The following NPSR1 variants were observed in gnomAD, a reference collection of about 807,000 sequenced individuals.
The protein encoded by NPSR1 is neuropeptide S receptor 1.
In NPSR1, 48 loss-of-function variants were observed where a neutral mutation model predicts 46.9. The ratio of observed to expected loss-of-function variants is 1.02; its 90% CI spans 0.81 to 1.30. NPSR1 has a LOEUF of 1.30. Ranked by LOEUF, NPSR1 falls within the 50% of genes most tolerant of loss-of-function variation. NPSR1 has a pLI of 0.00. For missense variants in NPSR1, 450 were observed against 449.5 expected (o/e 1.00, Z -0.01); for synonymous variants, 176 against 168.1 (o/e 1.05, Z -0.36).
At chr7:34,808,606 C>G (rs922872265) in intron 3 of NPSR1, among the ~76,000 whole-genome samples, 1 of 152,114 alleles carries the variant, frequency 6.6e-6, no homozygotes, top group Non-Finnish European at 1.5e-5. Flanking sequence ...ATTCTATGCT[C>G]TTCCCTCTTC....
At chr7:34,825,501 C>T (rs1358824744) in intron 4 of NPSR1, among the ~76,000 whole-genome samples, 1 of 152,184 alleles carries the variant, frequency 6.6e-6, no homozygotes. Flanking sequence ...CGCTGTGGTC[C>T]TAGCCCAGGG....
At chr7:34,684,432 A>C in intron 1 of NPSR1, 120 bp from the exon 2 acceptor site, 3 of 894,134 alleles carry the variant, frequency 3.4e-6, no homozygotes, top group Non-Finnish European at 5.3e-6. Flanking sequence ...TCTTGAGAGT[A>C]GAGCTTCCAA....
intron 2 of NPSR1, among the ~76,000 whole-genome samples, chr7:34,734,298 T>C (rs149398202): frequency 3.9e-4 from 60 of 152,276 alleles, no homozygotes; most frequent in Admixed American, 1.8e-3. Context: ...CCCAGATAGT[T>C]GTGATGCAAG....
intron 1 of NPSR1, among the ~76,000 whole-genome samples, chr7:34,683,317 G>T (rs576328718): frequency 6.6e-6 from 1 of 151,858 alleles, no homozygotes; most frequent in South Asian, 2.1e-4. Context: ...CGTGGTGGTG[G>T]GTGCCTGTAG....
chr7:34,815,259 G>C (rs1270061431), intron 4 of NPSR1, among the ~76,000 whole-genome samples: 1 of 152,150 alleles, frequency 6.6e-6, no homozygotes, highest in Admixed American at 6.5e-5. Context: ...CATGGCACAA[G>C]AACTTCGTGA....
At chr7:34,750,722 C>T (rs1416699678) in intron 2 of NPSR1, 11 of 697,520 alleles carry the variant, frequency 1.6e-5, no homozygotes, top group Non-Finnish European at 2.7e-5. Flanking sequence ...GTCAAAATTG[C>T]CAAGCATCTT....
At chr7:34,774,487 G>A (rs550774535) in intron 2 of NPSR1, among the ~76,000 whole-genome samples, 1 of 152,300 alleles carries the variant, frequency 6.6e-6, no homozygotes, top group South Asian at 2.1e-4. Flanking sequence ...CAATAATCTA[G>A]CTCATAATGG....
intron 3 of NPSR1, among the ~76,000 whole-genome samples, chr7:34,807,601 C>T (rs10231488): frequency 0.14 from 22,020 of 152,012 alleles, 2,112 homozygotes; most frequent in East Asian, 0.32. Flanking sequence ...TTGGCCATCC[C>T]TCTATTTCCA....
At chr7:34,708,306 T>C (rs1370776413) in intron 2 of NPSR1, among the ~76,000 whole-genome samples, 2 of 152,220 alleles carry the variant, frequency 1.3e-5, no homozygotes, top group Non-Finnish European at 2.9e-5. Context: ...CCTGTGCATG[T>C]GCCTCACTGA....
chr7:34,815,471 G>A (rs533656691), intron 4 of NPSR1, among the ~76,000 whole-genome samples: 14 of 152,232 alleles, frequency 9.2e-5, no homozygotes, highest in Admixed American at 6.5e-4. Context: ...CTGATGGGGC[G>A]AACAGAACCA....
intron 2 of NPSR1, among the ~76,000 whole-genome samples, chr7:34,726,191 T>C (rs1375054483): frequency 6.6e-6 from 1 of 152,100 alleles, no homozygotes; most frequent in Non-Finnish European, 1.5e-5. Context: ...CAATTAAAAA[T>C]GGGTAAAAGA....
At chr7:34,848,417 G>A in intron 7 of NPSR1, 66 bp from the exon 8 acceptor site, 3 of 1,450,984 alleles carry the variant, frequency 2.1e-6, no homozygotes, top group East Asian at 4.5e-5. Context: ...AGTCCAGTCA[G>A]GACCAACCAA....
At chr7:34,861,160 TG>T (rs2128767938) in intron 8 of NPSR1, among the ~76,000 whole-genome samples, 1 of 152,026 alleles carries the variant, frequency 6.6e-6, no homozygotes, top group African/African-American at 2.4e-5. Flanking sequence ...CTACTCACAC[TG>T]GGGACAGGTG....
intron 2 of NPSR1, among the ~76,000 whole-genome samples, chr7:34,739,570 T>C (rs1041455926): frequency 1.3e-5 from 2 of 152,218 alleles, no homozygotes; most frequent in African/African-American, 2.4e-5. Flanking sequence ...CTTTGTTCCA[T>C]TTTTTAGTTG....
chr7:34,790,945 C>CATATATGTTATATGTTATATT lies in NPSR1; in HGVS notation c.384+12422_384+12442dup, dbSNP rs1562730003. Among the ~76,000 whole-genome samples, 467 of 96,708 alleles carry CATATATGTTATATGTTATATT rather than the reference C, an allele frequency of 4.8e-3. 35 individuals are homozygous for CATATATGTTATATGTTATATT. The Admixed American group carries it at 0.053, about 11-fold the overall frequency. 63.4% of individuals were successfully genotyped at this position (96,708 alleles called of 152,430 possible). ...ATATGTTATATGTTATATTATATATCATATATGTTATATGTTATATTATAT... is the reference window on the plus strand; with the variant it reads ...ATATGTTATATGTTATATTATATATCATATATGTTATATGTTATATTATATATGTTATATGTTATATTATAT... On this transcript the variant is annotated intron_variant, in intron 3 of 8. Coordinates refer to ENST00000360581, the MANE Select transcript of NPSR1 (RefSeq NM_207172.2).
chr7:34,811,824 T>C lies in NPSR1; in HGVS notation c.439T>C (p.Tyr147His), dbSNP rs2128750973. 2 of 1,613,642 alleles carry C rather than the reference T, an allele frequency of 1.2e-6. No homozygotes were observed. Among genetic ancestry groups the C allele is most frequent in the East Asian group, 2.2e-5 (1 of 44,842 alleles). Residue 147 changes from tyrosine (Y) to histidine (H), a missense_variant, in exon 4 of 9, where the codon TAC becomes CAC. By Grantham distance (83) the Tyr-to-His change is moderately conservative (BLOSUM62 2). Transcript: ENST00000360581. Reference protein sequence around the residue: ...YVLVSLSIDRYHAIVYPMKFL... With the variant: ...YVLVSLSIDRHHAIVYPMKFL... Reference sequence around the variant, plus strand: ...CCTGGTGTCCCTCAGCATAGACAGATACCATGCCATCGTCTACCCCATGAA... The same window carrying C: ...CCTGGTGTCCCTCAGCATAGACAGACACCATGCCATCGTCTACCCCATGAA...
At chr7:34,660,179 A>G (rs1791386983) in intron 1 of NPSR1, 1 of 456,470 alleles carries the variant, frequency 2.2e-6, no homozygotes, top group Non-Finnish European at 4.4e-6. Flanking sequence ...ATTCCTATTG[A>G]TATGTTTGCA....
At chr7:34,811,192 C>A (rs1788969554) in intron 3 of NPSR1, among the ~76,000 whole-genome samples, 1 of 152,094 alleles carries the variant, frequency 6.6e-6, no homozygotes, top group Admixed American at 6.5e-5. Context: ...TCAGGTCACA[C>A]ACAGACTTGA....
At chr7:34,738,127 A>G (rs1784767823) in intron 2 of NPSR1, among the ~76,000 whole-genome samples, 1 of 152,242 alleles carries the variant, frequency 6.6e-6, no homozygotes. Flanking sequence ...TTGGAGGCAT[A>G]AAGAGCCAAA....
Sources: gnomAD v4.1 joint callset for allele counts (sites outside exome capture counted in the v4.1 genomes callset) on GRCh38, gnomAD v4.1.1 for gene constraint, MANE v1.5 for transcripts, NCBI Gene and HGNC (gene_info 2026-07-23, HGNC 2026-07-21) for gene names.